The following MAFK variants were observed in gnomAD, a reference collection of about 807,000 sequenced individuals.
The protein encoded by MAFK is transcription factor MafK.
MAFK carries 1 observed loss-of-function variant against 9.2 expected under a neutral mutation model. The observed-to-expected ratio is 0.11, with a 90% CI of 0.04 to 0.52. The LOEUF (loss-of-function observed/expected upper bound fraction) is 0.52, where lower values mean the gene tolerates loss of function less well. Ranked by LOEUF, MAFK falls within the 20% of genes least tolerant of loss-of-function variation. The pLI is 0.94. For synonymous variants in MAFK, 110 were observed against 107.4 expected (o/e 1.02, Z -0.15); for missense variants, 207 against 236.0 (o/e 0.88, Z 0.81).
At chr7:1,539,092 G>C in intron 1 of MAFK, 57 bp from the exon 2 acceptor site, 3 of 1,402,302 alleles carry the variant, frequency 2.1e-6, no homozygotes, top group Non-Finnish European at 3.0e-6. Flanking sequence ...TGGGCACCCT[G>C]TCCGGCGCTG....
chr7:1,538,181 C>T, intron 1 of MAFK: 3 of 766,920 alleles, frequency 3.9e-6, no homozygotes, highest in Non-Finnish European at 4.8e-6. Context: ...TATCGGAGGG[C>T]TCATGCCGGG....
rs547518413 is a variant in MAFK at position 1,534,642 on chromosome 7, C to T, written c.-45+3744C>T. On this transcript the variant is annotated intron_variant, in intron 1 of 2. Transcript: ENST00000343242. This position sits in a 1 kb window ranked among gnomAD's most constrained non-coding sequence, Gnocchi z 4.3. ...GAGAATAGAAGTGGAAGGGCCACTC[C>T]GTCTTGGTCAGACTGGCTGGGCAGC... The T allele has an allele frequency of 4.6e-5, 21 of 456,032 alleles. No individual in the cohort carries two copies. Among genetic ancestry groups the T allele is most frequent in the Non-Finnish European group, 8.4e-5 (19 of 226,766 alleles). The allele number at this position is 456,032 out of a possible 1,614,324, so 28.2% of individuals were successfully genotyped here.
rs1425673086 is a variant in MAFK, at chr7:1,539,943, CAAG to C, written c.43_45del (p.Lys15del). ...GACCCCGCACTGTGGCCCCCCAGGTCAAGAAGGAGGCGGGCGAGAACGCCCCGG... is the reference window on the plus strand; with the variant it reads ...GACCCCGCACTGTGGCCCCCCAGGTCAAGGAGGCGGGCGAGAACGCCCCGG... On this transcript the variant is annotated inframe_deletion, in exon 3 of 3. Transcript: ENST00000343242. The C allele has an allele frequency of 6.6e-7, 1 of 1,524,988 alleles. No individual in the cohort carries two copies. Among genetic ancestry groups the C allele is most frequent in the Admixed American group, 2.0e-5 (1 of 49,346 alleles). The allele number at this position is 1,524,988 out of a possible 1,614,324, so 94.5% of individuals were successfully genotyped here. A position where few individuals can be genotyped will look rare whatever the true frequency, so the allele number is the denominator to read the frequency against.
chr7:1,533,088 G>T (rs1416220840), intron 1 of MAFK, among the ~76,000 whole-genome samples: 2 of 152,208 alleles, frequency 1.3e-5, no homozygotes, highest in Non-Finnish European at 2.9e-5. Flanking sequence ...TTTAGAGCAG[G>T]TACAAGCGAA....
intron 1 of MAFK, among the ~76,000 whole-genome samples, chr7:1,533,216 T>C (rs1783943622): frequency 6.6e-6 from 1 of 152,102 alleles, no homozygotes; most frequent in Non-Finnish European, 1.5e-5. Context: ...CCTTCCTGCT[T>C]CTCCGCACTG....
chr7:1,540,414 G>C lies in MAFK; in HGVS notation c.*39G>C, dbSNP rs181353243. ...CGGGGGGTGGCGGGCGGCGGGCGGC[G>C]GGCAGGCGGGTGGGGGCACACCCCT... is the stretch of plus-strand genomic sequence containing the variant. On this transcript the variant is annotated 3_prime_UTR_variant, in exon 3 of 3. Transcript: ENST00000343242. 3.0e-6 allele frequency: 4 copies of C among 1,311,498 alleles called. No homozygotes were observed. The highest frequency in any genetic ancestry group is 1.5e-5 in the African/African-American group (1 of 65,838). 81.2% of individuals were successfully genotyped at this position (1,311,498 alleles called of 1,614,324 possible). A position where few individuals can be genotyped will look rare whatever the true frequency, so the allele number is the denominator to read the frequency against.
Position 1,532,876 on chromosome 7 carries a change from C to T in MAFK, c.-45+1978C>T, listed in dbSNP as rs1783935217. 6.6e-6 allele frequency among the ~76,000 whole-genome samples: 1 copy of T among 152,174 alleles called. No individual in the cohort carries two copies. Among genetic ancestry groups the T allele is most frequent in the African/African-American group, 2.4e-5 (1 of 41,418 alleles). ...GTCCACACGGGAAATGGAAATCTGG[C>T]CAGCTGAGAGAGGGCTCCGTGTGGC... is the stretch of plus-strand genomic sequence containing the variant. On this transcript the variant is annotated intron_variant, in intron 1 of 2. Transcript: ENST00000343242. The surrounding 1 kb of genome is among the most constrained non-coding windows in gnomAD (Gnocchi z 4.5).
intron 2 of MAFK, among the ~76,000 whole-genome samples, chr7:1,539,637 C>T (rs1380793415): frequency 6.6e-6 from 1 of 152,236 alleles, no homozygotes; most frequent in Non-Finnish European, 1.5e-5. Flanking sequence ...GCCTGTGGGC[C>T]GGCTCAGTCC....
In MAFK at chr7:1,539,539, CA is replaced by C. The variant is rs1398069573; in HGVS notation, c.36+312del. Among the ~76,000 whole-genome samples the C allele has an allele frequency of 0.011, 135 of 12,040 alleles. 1 individual carries two copies. The African/African-American group carries it at 0.23, about 20-fold the overall frequency. The allele number at this position is 12,040 out of a possible 152,430, so 7.9% of individuals were successfully genotyped here. On this transcript the variant is annotated intron_variant, in intron 2 of 2. Coordinates refer to ENST00000343242, the MANE Select transcript of MAFK (RefSeq NM_002360.4). ...TGGCTCCAGGCGTGGGCAGCGTGGC[CA>C]GCGTGGCCTCTGGTGAACGCGATGC...
At chr7:1,537,626 G>A (rs1024325125) in intron 1 of MAFK, 7 of 985,474 alleles carry the variant, frequency 7.1e-6, no homozygotes, top group South Asian at 4.7e-5. Context: ...TGCCATCTAC[G>A]TCAGCGCCCT....
intron 1 of MAFK, among the ~76,000 whole-genome samples, chr7:1,531,573 C>T (rs993537208): frequency 5.3e-5 from 8 of 152,214 alleles, no homozygotes; most frequent in South Asian, 2.1e-4. Context: ...GGCCCCAAGG[C>T]TCGTCCCTTT....
Position 1,540,445 on chromosome 7 carries a change from C to A in MAFK, c.*70C>A. On this transcript the variant is annotated 3_prime_UTR_variant, in exon 3 of 3. Transcript: ENST00000343242. The stretch of plus-strand genomic sequence containing the variant: ...GCGGGTGGGGGCACACCCCTCGTAC[C>A]TGTCACTGGGATGCAGACTCTCGAC... 2.3e-6 allele frequency: 3 copies of A among 1,302,454 alleles called. No individual in the cohort carries two copies. The highest frequency in any genetic ancestry group is 2.1e-6 in the Non-Finnish European group (2 of 965,780). 80.7% of individuals were successfully genotyped at this position (1,302,454 alleles called of 1,614,324 possible). A position where few individuals can be genotyped will look rare whatever the true frequency, so the allele number is the denominator to read the frequency against.
intron 1 of MAFK, among the ~76,000 whole-genome samples, chr7:1,533,018 C>T (rs1379596575): frequency 6.6e-6 from 1 of 152,246 alleles, no homozygotes; most frequent in African/African-American, 2.4e-5. Context: ...ACAGACTCGT[C>T]ATGTTTCCGC....
At position 1,532,988 on chromosome 7, in the gene MAFK, A is replaced by G. The variant is rs1436782224; in HGVS notation, c.-45+2090A>G. On this transcript the variant is annotated intron_variant, in intron 1 of 2. Coordinates refer to ENST00000343242, the MANE Select transcript of MAFK (RefSeq NM_002360.4). The surrounding 1 kb of genome is among the most constrained non-coding windows in gnomAD (Gnocchi z 4.5). ...TGGAAGATGCCTTTCCCCGCTATTT[A>G]TTTTTGCTTTTTATAAGTCACAGAC... Among the ~76,000 whole-genome samples, 1 of 151,868 alleles carries G rather than the reference A, an allele frequency of 6.6e-6. No homozygotes were observed. The highest frequency in any genetic ancestry group is 2.1e-4 in the South Asian group (1 of 4,802).
At chr7:1,536,979 C>T (rs959688801) in intron 1 of MAFK, among the ~76,000 whole-genome samples, 1 of 152,224 alleles carries the variant, frequency 6.6e-6, no homozygotes, top group Non-Finnish European at 1.5e-5. Context: ...CAGAGGGCCC[C>T]AGTGCAGGTG....
Position 1,532,956 on chromosome 7 carries a change from C to G in MAFK, c.-45+2058C>G, listed in dbSNP as rs191072027. Among the ~76,000 whole-genome samples, 8 of 152,336 alleles carry G rather than the reference C, an allele frequency of 5.3e-5. No homozygotes were observed. The East Asian group carries it at 1.5e-3, about 29-fold the overall frequency. Reference sequence around the variant, plus strand: ...GCTCCGTCCCCACCCTCCCTGCTCTCCGCGAATGGAAGATGCCTTTCCCCG... The same window carrying G: ...GCTCCGTCCCCACCCTCCCTGCTCTGCGCGAATGGAAGATGCCTTTCCCCG... On this transcript the variant is annotated intron_variant, in intron 1 of 2. Coordinates refer to ENST00000343242, the MANE Select transcript of MAFK (RefSeq NM_002360.4). This position sits in a 1 kb window ranked among gnomAD's most constrained non-coding sequence, Gnocchi z 4.5.
At chr7:1,535,961 T>C (rs570902999) in intron 1 of MAFK, among the ~76,000 whole-genome samples, 1 of 152,376 alleles carries the variant, frequency 6.6e-6, no homozygotes, top group African/African-American at 2.4e-5. Flanking sequence ...GCAGTTCCTT[T>C]TCCTTGAGAG....
At chr7:1,531,590 G>C (rs1005802649) in intron 1 of MAFK, among the ~76,000 whole-genome samples, 1 of 152,208 alleles carries the variant, frequency 6.6e-6, no homozygotes, top group Non-Finnish European at 1.5e-5. Flanking sequence ...CTTTGCTCAC[G>C]TGTGGGGCAG....
At position 1,534,718 on chromosome 7, in the gene MAFK, A is replaced by G; in HGVS notation, c.-45+3820A>G. On this transcript the variant is annotated intron_variant, in intron 1 of 2. Transcript: ENST00000343242. The surrounding 1 kb of genome is among the most constrained non-coding windows in gnomAD (Gnocchi z 4.3). ...GTCATCATTCACCCCTTGGGCAAGAACAAGTGACCCATCCAGAGCCCCCAT... is the reference window on the plus strand; with the variant it reads ...GTCATCATTCACCCCTTGGGCAAGAGCAAGTGACCCATCCAGAGCCCCCAT... The G allele has an allele frequency of 9.0e-6, 4 of 446,302 alleles. No homozygotes were observed. The highest frequency in any genetic ancestry group is 1.6e-5 in the South Asian group (1 of 64,126). 27.6% of individuals were successfully genotyped at this position (446,302 alleles called of 1,614,324 possible).
Sources: allele counts gnomAD v4.1 joint callset (sites outside exome capture counted in the v4.1 genomes callset), GRCh38; gene constraint gnomAD v4.1.1; non-coding constraint Gnocchi (gnomAD v3.1); transcripts MANE v1.5; gene names NCBI Gene and HGNC (gene_info 2026-07-23, HGNC 2026-07-21).